Variants in ASPSCR1 observed in about 807,000 individuals in gnomAD.
The protein encoded by ASPSCR1 is ASPSCR1 tether for SLC2A4, UBX domain containing.
A neutral mutation model predicts 68.9 loss-of-function variants in ASPSCR1; 55 were observed. That is an observed-to-expected ratio of 0.80 (90% CI 0.64 to 1.00). The LOEUF (loss-of-function observed/expected upper bound fraction) is 1.00. Ranked by LOEUF, ASPSCR1 falls within the 50% of genes least tolerant of loss-of-function variation. The pLI is 0.00. For missense variants in ASPSCR1, 765 were observed against 762.2 expected (o/e 1.00, Z -0.04); for synonymous variants, 352 against 332.6 (o/e 1.06, Z -0.63).
intron 12 of ASPSCR1, 24 bp downstream of exon 12, chr17:82,012,307 G>A: frequency 6.2e-7 from 1 of 1,611,264 alleles, no homozygotes; most frequent in Non-Finnish European, 8.5e-7. Flanking sequence ...TCCCTGGGGT[G>A]CTGCGGGGCG....
intron 7 of ASPSCR1, among the ~76,000 whole-genome samples, chr17:82,003,331 C>T (rs2144066946): frequency 6.6e-6 from 1 of 152,260 alleles, no homozygotes; most frequent in East Asian, 1.9e-4. Context: ...GCCTGTAGCC[C>T]CAGCTACTTG....
At chr17:82,015,541 G>T in intron 12 of ASPSCR1, 1 of 782,578 alleles carries the variant, frequency 1.3e-6, no homozygotes, top group Non-Finnish European at 2.0e-6. Context: ...ATGAGAACCA[G>T]GTGCCTCTCT....
chr17:81,985,242 A>G (rs1028595243), intron 3 of ASPSCR1, among the ~76,000 whole-genome samples: 2 of 151,544 alleles, frequency 1.3e-5, no homozygotes, highest in African/African-American at 4.9e-5. Context: ...ACACACCCAC[A>G]CACACATATG....
intron 7 of ASPSCR1, chr17:82,007,649 T>C (rs1394720722): frequency 6.6e-6 from 1 of 152,238 alleles, no homozygotes; most frequent in Non-Finnish European, 1.5e-5. Flanking sequence ...CAGTGTGGCT[T>C]CTGGGGGCTC....
Position 82,009,530 on chromosome 17 carries a change from A to G in ASPSCR1, c.1133A>G (p.Glu378Gly). Residue 378 changes from glutamate to glycine, a missense_variant, in exon 9 of 16, where the codon GAG (glutamate) becomes GGG (glycine). By Grantham distance (98) the Glu-to-Gly change is moderately conservative. Coordinates refer to ENST00000306739, the MANE Select transcript of ASPSCR1 (RefSeq NM_024083.4). Reference protein sequence around the residue: ...EAPLVTKAFREAQIKEKLERY... With the variant: ...EAPLVTKAFRGAQIKEKLERY... Reference sequence around the variant, plus strand: ...CCCTTGGTGACCAAGGCCTTCAGGGAGGCGCAGATAAAGGAGAAGCTGGAG... The same window carrying G: ...CCCTTGGTGACCAAGGCCTTCAGGGGGGCGCAGATAAAGGAGAAGCTGGAG... 6.6e-7 allele frequency: 1 copy of G among 1,509,144 alleles called. No individual in the cohort carries two copies. Among genetic ancestry groups the G allele is most frequent in the Non-Finnish European group, 8.9e-7 (1 of 1,128,304 alleles). 93.5% of individuals were successfully genotyped at this position (1,509,144 alleles called of 1,614,324 possible).
rs759547272 is a variant in ASPSCR1, at chr17:81,990,276, C to T, written c.375-4545C>T. Among the ~76,000 whole-genome samples, 1 of 152,222 alleles carries T rather than the reference C, an allele frequency of 6.6e-6. No homozygotes were observed. Among genetic ancestry groups the T allele is most frequent in the East Asian group, 1.9e-4 (1 of 5,202 alleles). On this transcript the variant is annotated intron_variant, in intron 4 of 15. Transcript: ENST00000306739. The surrounding 1 kb of genome is among the most constrained non-coding windows in gnomAD (Gnocchi z 4.1). ...TATGGTGCACTTGGAGCATCTCGGT[C>T]TGGGCCGGGTCCTCGTGGACTGGGC...
chr17:82,016,869 G>A lies in ASPSCR1; in HGVS notation c.1475G>A (p.Arg492Lys), dbSNP rs1348009471. ...SPSAADVLVA[R>K]YMSRAAGSPS... ...TCTGCGGCCGATGTGCTGGTGGCCA[G>A]GTAAGTGCCGGTGGGTCTGGGGGCA... is the stretch of plus-strand genomic sequence containing the variant. Residue 492 changes from arginine (R) to lysine (K), a missense_variant and splice_region_variant, in exon 14 of 16, where the codon AGG becomes AAG. By Grantham distance (26) the Arg-to-Lys change is conservative. Transcript: ENST00000306739. 3 of 1,612,560 alleles carry A rather than the reference G, an allele frequency of 1.9e-6. No homozygotes were observed. The highest frequency in any genetic ancestry group is 2.5e-6 in the Non-Finnish European group (3 of 1,179,966).
intron 7 of ASPSCR1, among the ~76,000 whole-genome samples, chr17:82,001,980 CTTTTCTTTTTT>C (rs962351146): frequency 3.6e-5 from 5 of 140,040 alleles, no homozygotes; most frequent in South Asian, 2.4e-4. Flanking sequence ...TCTTATTTTT[CTTTTCTTTTTT>C]TTTTCTTTTT....
At chr17:82,011,700 T>G in intron 11 of ASPSCR1, 95 bp downstream of exon 11, 1 of 1,394,316 alleles carries the variant, frequency 7.2e-7, no homozygotes, top group Admixed American at 2.2e-5. Context: ...TCGTGGCAGC[T>G]TCTCCACAGG....
intron 3 of ASPSCR1, among the ~76,000 whole-genome samples, chr17:81,984,821 G>A (rs1204761194): frequency 1.8e-4 from 12 of 68,422 alleles, no homozygotes; most frequent in African/African-American, 6.1e-5. Context: ...CCGCACACCC[G>A]TACACACCCC....
rs2042842526 is a variant in ASPSCR1, at chr17:82,009,576, A to G, written c.1170+9A>G. The G allele has an allele frequency of 1.3e-6, 2 of 1,561,590 alleles. No individual in the cohort carries two copies. Among genetic ancestry groups the G allele is most frequent in the Non-Finnish European group, 1.7e-6 (2 of 1,160,272 alleles). Reference sequence around the variant, plus strand: ...TGGAGCGCTACCCAAAGGTCTGCAGACAGGATGTGGGGGCGACTGAGGCAC... The same window carrying G: ...TGGAGCGCTACCCAAAGGTCTGCAGGCAGGATGTGGGGGCGACTGAGGCAC... On this transcript the variant is annotated intron_variant, in intron 9 of 15. Transcript: ENST00000306739.
intron 11 of ASPSCR1, among the ~76,000 whole-genome samples, chr17:82,011,850 G>A (rs2042959031): frequency 6.6e-6 from 1 of 152,082 alleles, no homozygotes; most frequent in Non-Finnish European, 1.5e-5. Context: ...GCTCCCCTCT[G>A]GAGCCCTGCT....
At chr17:81,996,878 G>A in intron 7 of ASPSCR1, 32 bp downstream of exon 7, 3 of 1,546,326 alleles carry the variant, frequency 1.9e-6, no homozygotes, top group Non-Finnish European at 2.6e-6. Context: ...GGGACTTGGG[G>A]GTGTCCTTTC....
intron 5 of ASPSCR1, chr17:81,995,127 A>G (rs1346887435): frequency 7.7e-6 from 4 of 519,490 alleles, no homozygotes; most frequent in Non-Finnish European, 1.3e-5. Context: ...AAGTGGTTTC[A>G]TTTAATAAAT....
rs1411904958 is a variant in ASPSCR1, at chr17:82,009,469, T to A, written c.1089-17T>A. ...CATTCTGACCAGAAGCCCTGTTCCT[T>A]CCCCTCCTCACCACAGGAAGCGCCT... On this transcript the variant is annotated splice_polypyrimidine_tract_variant and intron_variant, in intron 8 of 15. Transcript: ENST00000306739. 6.4e-7 allele frequency: 1 copy of A among 1,564,296 alleles called. No homozygotes were observed. Among genetic ancestry groups the A allele is most frequent in the African/African-American group, 1.4e-5 (1 of 73,316 alleles).
In ASPSCR1 at chr17:81,987,668, G is replaced by A. The variant is rs547156688; in HGVS notation, c.374+2061G>A. 7.9e-5 allele frequency among the ~76,000 whole-genome samples: 12 copies of A among 152,262 alleles called. No individual in the cohort carries two copies. Among genetic ancestry groups the A allele is most frequent in the African/African-American group, 2.6e-4 (11 of 41,546 alleles). On this transcript the variant is annotated intron_variant, in intron 4 of 15. Coordinates refer to ENST00000306739, the MANE Select transcript of ASPSCR1 (RefSeq NM_024083.4). This position sits in a 1 kb window ranked among gnomAD's most constrained non-coding sequence, Gnocchi z 5.6. ...CTCTTCAACAGACTTTGTAAACCTC[G>A]TGTGAAACTTAGTTTAAGAAACAAC...
chr17:82,015,594 TG>T (rs1314843830), intron 12 of ASPSCR1: 47 of 591,640 alleles, frequency 7.9e-5, no homozygotes, highest in Non-Finnish European at 1.3e-4. Flanking sequence ...CGGCAGCAGG[TG>T]GGATGCAGAT....
At chr17:81,980,981 A>G (rs1307609655) in intron 2 of ASPSCR1, among the ~76,000 whole-genome samples, 1 of 152,210 alleles carries the variant, frequency 6.6e-6, no homozygotes, top group Non-Finnish European at 1.5e-5. Flanking sequence ...CCTGGGGAAC[A>G]TAGTGAGACC....
chr17:81,995,861 G>A (rs1471920008), intron 5 of ASPSCR1, 131 bp from the exon 6 acceptor site: 3 of 844,750 alleles, frequency 3.6e-6, no homozygotes, highest in East Asian at 5.3e-5. Context: ...GGCCAGATGT[G>A]GGGGGTGGGT....
Sources: gnomAD v4.1 joint callset for allele counts (sites outside exome capture counted in the v4.1 genomes callset) on GRCh38, gnomAD v4.1.1 for gene constraint, Gnocchi (gnomAD v3.1) non-coding constraint, MANE v1.5 for transcripts, NCBI Gene and HGNC (gene_info 2026-07-23, HGNC 2026-07-21) for gene names.